The following ZNF618 variants were observed in gnomAD, a reference collection of about 807,000 sequenced individuals.
ZNF618 encodes neural precursor cell expressed, developmentally down-regulated 10.
Under a neutral mutation model 103.0 loss-of-function variants are expected in ZNF618, and 34 were observed. The observed-to-expected ratio is 0.33, with a 90% CI of 0.25 to 0.44. ZNF618 has a LOEUF of 0.44. Ranked by LOEUF, ZNF618 falls within the 20% of genes least tolerant of loss-of-function variation. The probability of loss-of-function intolerance (pLI) is 1.00; values close to 1 mark genes in which losing one functional copy is unlikely to be tolerated. For synonymous variants in ZNF618, 551 were observed against 542.2 expected (o/e 1.02, Z -0.23); for missense variants, 1,059 against 1,295.4 (o/e 0.82, Z 2.80).
intron 12 of ZNF618, 83 bp from the exon 13 acceptor site, chr9:114,036,217 C>T (rs1844586802): frequency 2.2e-6 from 3 of 1,355,524 alleles, no homozygotes; most frequent in Non-Finnish European, 3.1e-6. Context: ...TTTGGGTTCC[C>T]ACTTGCAAAG....
chr9:113,911,603 A>G (rs1299883482), intron 1 of ZNF618, among the ~76,000 whole-genome samples: 1 of 152,308 alleles, frequency 6.6e-6, no homozygotes, highest in East Asian at 1.9e-4. Context: ...TGCTGGGATC[A>G]TAGGCGTGAG....
rs183876955 is a variant in ZNF618 at position 113,931,489 on chromosome 9, G to A, written c.34-37628G>A. Among the ~76,000 whole-genome samples, 514 of 152,312 alleles carry A rather than the reference G, an allele frequency of 3.4e-3. 3 individuals carry two copies. Among genetic ancestry groups the A allele is most frequent in the Middle Eastern group, 6.8e-3 (2 of 294 alleles). ...TTGAGAGATGAGGCTTGCGACTCCA[G>A]ATGGGCAGGTTTAATGCTTGGCTGG... is the stretch of plus-strand genomic sequence containing the variant. On this transcript the variant is annotated intron_variant, in intron 1 of 14. Coordinates refer to ENST00000374126, the MANE Select transcript of ZNF618 (RefSeq NM_001318042.2).
intron 2 of ZNF618, 84 bp from the exon 3 acceptor site, chr9:113,988,237 C>A: frequency 6.7e-7 from 1 of 1,496,756 alleles, no homozygotes; most frequent in Non-Finnish European, 8.9e-7. Flanking sequence ...CACAGCCTGG[C>A]ATGTCCCTGT....
At chr9:113,935,654 A>C (rs1214245720) in intron 1 of ZNF618, among the ~76,000 whole-genome samples, 1 of 150,998 alleles carries the variant, frequency 6.6e-6, no homozygotes, top group Non-Finnish European at 1.5e-5. Flanking sequence ...CCTTACCTCT[A>C]CTCTTCTCCT....
intron 1 of ZNF618, among the ~76,000 whole-genome samples, chr9:113,966,598 C>T (rs1350714073): frequency 1.3e-5 from 2 of 152,182 alleles, no homozygotes; most frequent in Non-Finnish European, 2.9e-5. Flanking sequence ...TTGGTGTTCC[C>T]AACACAGTGG....
At chr9:114,044,170 G>T (rs907247984) in intron 13 of ZNF618, among the ~76,000 whole-genome samples, 6 of 152,088 alleles carry the variant, frequency 3.9e-5, no homozygotes, top group African/African-American at 1.4e-4. Flanking sequence ...GAATTTTTAT[G>T]GTTTCAGGCC....
intron 9 of ZNF618, chr9:114,016,228 G>A: frequency 6.5e-7 from 1 of 1,528,280 alleles, no homozygotes; most frequent in Admixed American, 1.7e-5. Context: ...GCTGCTAGTG[G>A]GTGGGGGGTG....
intron 6 of ZNF618, among the ~76,000 whole-genome samples, chr9:114,005,908 C>T (rs1841706463): frequency 6.6e-6 from 1 of 152,206 alleles, no homozygotes; most frequent in Non-Finnish European, 1.5e-5. Context: ...GCAGGACCAG[C>T]CTCTCCTGCC....
chr9:113,915,022 C>T (rs980714507), intron 1 of ZNF618, among the ~76,000 whole-genome samples: 2 of 152,194 alleles, frequency 1.3e-5, no homozygotes, highest in African/African-American at 4.8e-5. Flanking sequence ...TAAAATTGCT[C>T]ATTTTCTCTT....
chr9:113,885,680 C>T (rs950533023), intron 1 of ZNF618, among the ~76,000 whole-genome samples: 4 of 152,180 alleles, frequency 2.6e-5, no homozygotes, highest in Non-Finnish European at 4.4e-5. Context: ...ACTTGTTCAT[C>T]TGTTTAGTGG....
intron 1 of ZNF618, among the ~76,000 whole-genome samples, chr9:113,941,914 G>A (rs1455791652): frequency 6.6e-6 from 1 of 152,182 alleles, no homozygotes; most frequent in Non-Finnish European, 1.5e-5. Context: ...CAGCCAGATT[G>A]CCTAGGATGC....
At position 113,988,348 on chromosome 9, in the gene ZNF618, C is replaced by T; in HGVS notation, c.105C>T (p.Ser35=). 1 of 1,613,040 alleles carries T rather than the reference C, an allele frequency of 6.2e-7. No homozygotes were observed. The highest frequency in any genetic ancestry group is 8.5e-7 in the Non-Finnish European group (1 of 1,179,808). ...SRERLKRSQK[S]TKVEGPEPVP... is the part of the protein sequence containing the mutation. ...AGCGCTTGAAGCGCAGCCAGAAGAG[C>T]ACCAAGGTGGAGGGCCCAGAGCCAG... is the stretch of plus-strand genomic sequence containing the variant. The change falls in exon 3 of 15, where the codon AGC becomes AGT. Residue 35 remains serine, a synonymous_variant. Coordinates refer to ENST00000374126, the MANE Select transcript of ZNF618 (RefSeq NM_001318042.2).
intron 9 of ZNF618, among the ~76,000 whole-genome samples, chr9:114,013,288 T>C (rs1241313775): frequency 6.6e-6 from 1 of 152,196 alleles, no homozygotes; most frequent in African/African-American, 2.4e-5. Context: ...AAAGACTCAA[T>C]TGTGAGAAAT....
Position 114,049,532 on chromosome 9 carries a change from C to A in ZNF618, c.2230C>A (p.Gln744Lys), listed in dbSNP as rs765034547. The change falls in exon 15 of 15, where the codon CAG (glutamine) becomes AAG (lysine). Residue 744 changes from glutamine to lysine, a missense_variant. Around this residue, in one of 6 missense-constraint regions of ZNF618, gnomAD observed 272 missense variants for 380.1 expected, o/e 0.72. Coordinates refer to ENST00000374126, the MANE Select transcript of ZNF618 (RefSeq NM_001318042.2). The stretch of plus-strand genomic sequence containing the variant: ...GGCGGCCATCCTGACGCCGGTGAAG[C>A]AGGCAGTCATCGAGCTGAGCAACGA... ...NLAAILTPVK[Q>K]AVIELSNESQ... The A allele has an allele frequency of 7.4e-6, 12 of 1,613,698 alleles. No homozygotes were observed. In the African/African-American group the frequency reaches 1.5e-4, roughly 20 times the overall value.
chr9:114,012,033 AAAAG>A (rs1052333759), intron 9 of ZNF618, among the ~76,000 whole-genome samples: 45 of 152,204 alleles, frequency 3.0e-4, no homozygotes, highest in Middle Eastern at 3.4e-3. Flanking sequence ...AAAAAAAAAA[AAAAG>A]AGAGAACTAT....
intron 2 of ZNF618, among the ~76,000 whole-genome samples, chr9:113,975,298 T>C (rs1004808689): frequency 2.0e-5 from 3 of 152,174 alleles, no homozygotes; most frequent in African/African-American, 7.2e-5. Flanking sequence ...TTATATGGAG[T>C]CACCCAGATG....
At chr9:113,921,954 A>G (rs1472644521) in intron 1 of ZNF618, among the ~76,000 whole-genome samples, 1 of 152,126 alleles carries the variant, frequency 6.6e-6, no homozygotes, top group African/African-American at 2.4e-5. Flanking sequence ...ACAGTTAGGA[A>G]GTTCCAATGA....
intron 3 of ZNF618, among the ~76,000 whole-genome samples, chr9:113,989,387 T>C (rs1337980950): frequency 6.6e-6 from 1 of 152,222 alleles, no homozygotes; most frequent in Non-Finnish European, 1.5e-5. Context: ...GGGAATTCTT[T>C]TGGCTTTAAA....
At chr9:114,011,703 C>G (rs935445744) in intron 9 of ZNF618, among the ~76,000 whole-genome samples, 1 of 152,194 alleles carries the variant, frequency 6.6e-6, no homozygotes, top group Non-Finnish European at 1.5e-5. Flanking sequence ...AAGAAACACC[C>G]TGGCAGGAGT....
Sources: gnomAD v4.1 joint callset for allele counts (sites outside exome capture counted in the v4.1 genomes callset) on GRCh38, gnomAD v4.1.1 for gene constraint, gnomAD v4.1.1 regional missense constraint, MANE v1.5 for transcripts, NCBI Gene and HGNC (gene_info 2026-07-23, HGNC 2026-07-21) for gene names.